CADM2: variants seen among roughly 807,000 people sequenced by gnomAD.
CADM2 encodes cell adhesion molecule 2, also known as immunoglobulin superfamily member 4D.
Under a neutral mutation model 49.8 loss-of-function variants are expected in CADM2, and 12 were observed. The observed-to-expected ratio is 0.24, with a 90% CI of 0.15 to 0.39. The LOEUF is 0.39. Among genes scored for constraint, CADM2 ranks in the 10% least tolerant of loss-of-function variants. The probability of loss-of-function intolerance (pLI) is 1.00; values close to 1 mark genes in which losing one functional copy is unlikely to be tolerated. For synonymous variants in CADM2, 214 were observed against 175.4 expected (o/e 1.22, Z -1.74); for missense variants, 378 against 492.3 (o/e 0.77, Z 2.20).
chr3:85,315,510 A>G (rs778803590), intron 1 of CADM2, among the ~76,000 whole-genome samples: 1 of 152,200 alleles, frequency 6.6e-6, no homozygotes, highest in Non-Finnish European at 1.5e-5. Context: ...CATAAAAAAA[A>G]CTGGTAATAG....
At chr3:85,803,484 G>GATAGATAGATAA in intron 3 of CADM2, among the ~76,000 whole-genome samples, 1 of 131,960 alleles carries the variant, frequency 7.6e-6, no homozygotes, top group African/African-American at 3.1e-5. Context: ...GAAACAGACA[G>GATAGATAGATAA]ATAGATAGAT....
chr3:85,048,267 G>T (rs2035744639), intron 1 of CADM2, among the ~76,000 whole-genome samples: 2 of 152,144 alleles, frequency 1.3e-5, no homozygotes, highest in Admixed American at 1.3e-4. Context: ...GAATCAATAA[G>T]AGTTACTGGA....
chr3:85,099,860 G>GT, intron 1 of CADM2, among the ~76,000 whole-genome samples: 1 of 152,306 alleles, frequency 6.6e-6, no homozygotes, highest in South Asian at 2.1e-4. Flanking sequence ...CATAGGTTTA[G>GT]TGTTAAGCTT....
intron 1 of CADM2, among the ~76,000 whole-genome samples, chr3:85,054,624 G>C (rs535237684): frequency 3.7e-4 from 57 of 152,028 alleles, no homozygotes; most frequent in African/African-American, 1.3e-3. Context: ...GTTGGTACTA[G>C]TCGAAAAGGA....
chr3:85,662,664 A>ATTC (rs2065446198), intron 1 of CADM2, among the ~76,000 whole-genome samples: 3 of 152,004 alleles, frequency 2.0e-5, no homozygotes, highest in Admixed American at 2.0e-4. Flanking sequence ...CTTTGCATTT[A>ATTC]TTCTTCAAGA....
intron 1 of CADM2, among the ~76,000 whole-genome samples, chr3:85,327,990 G>A (rs895312051): frequency 2.6e-5 from 4 of 152,140 alleles, no homozygotes; most frequent in Non-Finnish European, 4.4e-5. Context: ...AAGCTTGGTA[G>A]ATGAATCACT....
intron 1 of CADM2, among the ~76,000 whole-genome samples, chr3:85,308,569 A>C (rs938138556): frequency 6.6e-6 from 1 of 152,012 alleles, no homozygotes; most frequent in African/African-American, 2.4e-5. Context: ...AATTCTACAG[A>C]GCCATTAACT....
intron 1 of CADM2, among the ~76,000 whole-genome samples, chr3:85,120,722 A>G (rs72905270): frequency 0.073 from 11,153 of 152,154 alleles, 1,351 homozygotes; most frequent in African/African-American, 0.25. Context: ...GAAATACGTC[A>G]TGTAGATGAC....
At chr3:86,044,042 C>A (rs1251027679) in intron 8 of CADM2, among the ~76,000 whole-genome samples, 2 of 152,146 alleles carry the variant, frequency 1.3e-5, no homozygotes, top group African/African-American at 2.4e-5. Context: ...CTTCCTTACA[C>A]CTTATACAAA....
At chr3:85,273,043 A>AT (rs1308357980) in intron 1 of CADM2, among the ~76,000 whole-genome samples, 4 of 151,152 alleles carry the variant, frequency 2.6e-5, no homozygotes, top group Admixed American at 1.3e-4. Flanking sequence ...TAAGGCTGTG[A>AT]TTTTGGATGA....
At chr3:85,056,535 C>T (rs2036087096) in intron 1 of CADM2, among the ~76,000 whole-genome samples, 1 of 151,914 alleles carries the variant, frequency 6.6e-6, no homozygotes, top group African/African-American at 2.4e-5. Flanking sequence ...AAGATAGGGG[C>T]CTTAAAGATA....
intron 2 of CADM2, among the ~76,000 whole-genome samples, chr3:85,739,056 G>C (rs2068267566): frequency 6.6e-6 from 1 of 151,824 alleles, no homozygotes; most frequent in South Asian, 2.1e-4. Context: ...TTTAATTTTG[G>C]CAAAAAATTA....
chr3:85,048,617 C>T (rs2035757992), intron 1 of CADM2, among the ~76,000 whole-genome samples: 2 of 152,044 alleles, frequency 1.3e-5, no homozygotes, highest in African/African-American at 4.8e-5. Flanking sequence ...AGAAACAAAA[C>T]TCAAAAATTA....
At chr3:85,515,417 G>C (rs1299914339) in intron 1 of CADM2, among the ~76,000 whole-genome samples, 1 of 84,722 alleles carries the variant, frequency 1.2e-5, no homozygotes, top group Admixed American at 1.9e-4. Context: ...TTGTTTGTTT[G>C]TTTGTTTCTT....
At chr3:85,514,786 A>C (rs2106859425) in intron 1 of CADM2, among the ~76,000 whole-genome samples, 1 of 152,184 alleles carries the variant, frequency 6.6e-6, no homozygotes, top group East Asian at 1.9e-4. Context: ...TTGAAGCTTG[A>C]AATTAACTTT....
intron 7 of CADM2, among the ~76,000 whole-genome samples, chr3:85,954,263 A>G (rs1425058433): frequency 6.6e-6 from 1 of 151,066 alleles, no homozygotes; most frequent in Non-Finnish European, 1.5e-5. Flanking sequence ...ATGACTTTAC[A>G]TATATGTGGA....
chr3:85,523,930 G>A (rs1332511076), intron 1 of CADM2, among the ~76,000 whole-genome samples: 2 of 152,028 alleles, frequency 1.3e-5, no homozygotes, highest in Non-Finnish European at 2.9e-5. Context: ...AAAATAAATT[G>A]ATCATTCATT....
intron 1 of CADM2, among the ~76,000 whole-genome samples, chr3:85,288,784 G>GGCCC (rs2043698717): frequency 1.1e-5 from 1 of 88,254 alleles, no homozygotes; most frequent in Non-Finnish European, 2.6e-5. Flanking sequence ...TTACCAATAT[G>GGCCC]CCCCCCCCCC....
rs553285918 is a variant in CADM2, at chr3:85,550,432, A to G, written c.62-176090A>G. ...AGAATGGCAATACCTGGGCTGCTAC[A>G]ATTGCGAATTCTCAGTCCTTAACCT... On this transcript the variant is annotated intron_variant, in intron 1 of 9. Coordinates refer to ENST00000383699, the MANE Select transcript of CADM2 (RefSeq NM_001167675.2). 3.5e-4 allele frequency among the ~76,000 whole-genome samples: 53 copies of G among 152,262 alleles called. No homozygotes were observed. The East Asian group carries it at 8.7e-3, about 25-fold the overall frequency.
Sources: allele counts gnomAD v4.1 joint callset (sites outside exome capture counted in the v4.1 genomes callset), GRCh38; gene constraint gnomAD v4.1.1; transcripts MANE v1.5; gene names NCBI Gene and HGNC (gene_info 2026-07-23, HGNC 2026-07-21).